The following AZIN1 variants were observed in gnomAD, a reference collection of about 807,000 sequenced individuals.
The protein encoded by AZIN1 is antizyme inhibitor 1.
Under a neutral mutation model 47.4 loss-of-function variants are expected in AZIN1, and 12 were observed. That is an observed-to-expected ratio of 0.25 (90% CI 0.16 to 0.41). The LOEUF (loss-of-function observed/expected upper bound fraction) is 0.41, where lower values mean the gene tolerates loss of function less well. AZIN1 is among the 10% of genes least tolerant of loss of function. The pLI, the probability that AZIN1 is intolerant of heterozygous loss-of-function variation, is 1.00. For missense variants in AZIN1, 410 were observed against 532.4 expected (o/e 0.77, Z 2.26); for synonymous variants, 155 against 176.3 (o/e 0.88, Z 0.96).
In AZIN1 at chr8:102,826,728, A is replaced by G. The variant is rs1811131874; in HGVS notation, c.*1839T>C. On this transcript the variant is annotated 3_prime_UTR_variant, in exon 12 of 12. Coordinates refer to ENST00000337198, the MANE Select transcript of AZIN1 (RefSeq NM_148174.4). The stretch of plus-strand genomic sequence containing the variant: ...GCCTGTATAGTCAAGCCAAGGACTC[A>G]AAGTTGCACCATCTTTAAAAAGGTT... The G allele has an allele frequency of 2.0e-5, 3 of 152,676 alleles. No homozygotes were observed. The highest frequency in any genetic ancestry group is 7.2e-5 in the African/African-American group (3 of 41,464). The allele number at this position is 152,676 out of a possible 1,614,324, so 9.5% of individuals were successfully genotyped here. A position where few individuals can be genotyped will look rare whatever the true frequency, so the allele number is the denominator to read the frequency against.
At chr8:102,838,663 GCTC>G (rs1280508775) in intron 5 of AZIN1, 78 bp downstream of exon 5, 9 of 1,155,176 alleles carry the variant, frequency 7.8e-6, no homozygotes, top group Non-Finnish European at 1.1e-5. Flanking sequence ...TACCACAAAT[GCTC>G]CTTTCTTCCC....
intron 5 of AZIN1, among the ~76,000 whole-genome samples, chr8:102,836,988 T>C (rs549841435): frequency 5.5e-4 from 84 of 152,240 alleles, no homozygotes; most frequent in Admixed American, 3.9e-4. Flanking sequence ...CACTGCAACC[T>C]CCGCCTCATG....
Position 102,829,949 on chromosome 8 carries a change from A to G in AZIN1, c.905-13T>C. The G allele has an allele frequency of 1.3e-6, 2 of 1,491,310 alleles. No homozygotes were observed. The highest frequency in any genetic ancestry group is 1.8e-6 in the Non-Finnish European group (2 of 1,083,980). 92.4% of individuals were successfully genotyped at this position (1,491,310 alleles called of 1,614,324 possible). On this transcript the variant is annotated splice_polypyrimidine_tract_variant and intron_variant, in intron 9 of 11. Transcript: ENST00000337198. ...CCGGTTTTTTCTACTGGAATAAAAC[A>G]GGAAAGGGGAAAATGAATTTTTAAT...
chr8:102,838,899 C>T lies in AZIN1; in HGVS notation c.294G>A (p.Val98=). 1.2e-6 allele frequency: 2 copies of T among 1,610,264 alleles called. No homozygotes were observed. The highest frequency in any genetic ancestry group is 1.7e-6 in the Non-Finnish European group (2 of 1,178,506). ...ACSSKNEMAL[V]QELGVPPENI... ...TTTCTGGAGGTACACCCAACTCTTG[C>T]ACTAAAGCCATTTCATTCTGTGAAA... The change falls in exon 5 of 12, where the codon GTG becomes GTA. Residue 98 remains valine (V), a synonymous_variant. Transcript: ENST00000337198.
At chr8:102,854,623 T>TAC (rs1813163048) in intron 2 of AZIN1, 1 of 138,626 alleles carries the variant, frequency 7.2e-6, no homozygotes, top group East Asian at 2.0e-4. Context: ...TATATATATA[T>TAC]ATATTTTTTT....
At chr8:102,830,794 A>G (rs1811404878) in intron 9 of AZIN1, among the ~76,000 whole-genome samples, 1 of 152,212 alleles carries the variant, frequency 6.6e-6, no homozygotes, top group South Asian at 2.1e-4. Context: ...ACTACAAAAC[A>G]TCAGAGAGCA....
Position 102,858,026 on chromosome 8 carries a change from G to A in AZIN1, c.-109C>T. On this transcript the variant is annotated 5_prime_UTR_variant, in exon 2 of 12. Coordinates refer to ENST00000337198, the MANE Select transcript of AZIN1 (RefSeq NM_148174.4). ...GCAAATACTTACATGGACAAGTTGG[G>A]AGATGGAACCCCCCTATCATCAGCT... 1 of 398,960 alleles carries A rather than the reference G, an allele frequency of 2.5e-6. No individual in the cohort carries two copies. The highest frequency in any genetic ancestry group is 4.4e-6 in the Non-Finnish European group (1 of 226,044). The allele number at this position is 398,960 out of a possible 1,614,324, so 24.7% of individuals were successfully genotyped here.
chr8:102,854,950 A>C (rs953551593), intron 2 of AZIN1, among the ~76,000 whole-genome samples: 2 of 152,210 alleles, frequency 1.3e-5, no homozygotes. Flanking sequence ...TTAAGTTTTA[A>C]AATATTTTCC....
intron 2 of AZIN1, among the ~76,000 whole-genome samples, chr8:102,853,218 T>C (rs1813032857): frequency 6.6e-6 from 1 of 152,194 alleles, no homozygotes; most frequent in African/African-American, 2.4e-5. Context: ...TAAAAACTGG[T>C]CTATGGTCGG....
chr8:102,838,841 A>T lies in AZIN1; in HGVS notation c.352T>A (p.Ser118Thr), dbSNP rs1330874932. 1 of 1,613,882 alleles carries T rather than the reference A, an allele frequency of 6.2e-7. No homozygotes were observed. The highest frequency in any genetic ancestry group is 1.7e-5 in the Admixed American group (1 of 59,998). ...ACTTTTGCTGCATACTTTATCTGAG[A>T]CACTTGCTTGCAAGGACTTATGTAA... ...IIYISPCKQV[S>T]QIKYAAKVGV... The change falls in exon 5 of 12, where the codon TCT becomes ACT. Residue 118 changes from serine (S) to threonine (T), a missense_variant. This residue lies in a region of AZIN1 where 237 missense variants were observed against 309.4 expected (regional missense o/e 0.77). Coordinates refer to ENST00000337198, the MANE Select transcript of AZIN1 (RefSeq NM_148174.4).
Position 102,843,686 on chromosome 8 carries a change from A to AG in AZIN1, c.-35_-34insC. On this transcript the variant is annotated 5_prime_UTR_variant, in exon 3 of 12. Transcript: ENST00000337198. Reference sequence around the variant, plus strand: ...TATTCCACAAAGCCGAAAGTCATAAACCAGGAAAGACAAGAGACGGGCCAC... The same window carrying AG: ...TATTCCACAAAGCCGAAAGTCATAAAGCCAGGAAAGACAAGAGACGGGCCAC... 1.9e-6 allele frequency: 3 copies of AG among 1,612,812 alleles called. No individual in the cohort carries two copies. The highest frequency in any genetic ancestry group is 2.5e-6 in the Non-Finnish European group (3 of 1,179,506).
intron 2 of AZIN1, among the ~76,000 whole-genome samples, chr8:102,849,265 C>A (rs1812779130): frequency 6.6e-6 from 1 of 152,100 alleles, no homozygotes; most frequent in South Asian, 2.1e-4. Context: ...AGCACTCCAG[C>A]CTGGTGACAG....
chr8:102,840,421 C>T (rs538092308), intron 3 of AZIN1, among the ~76,000 whole-genome samples: 1 of 152,284 alleles, frequency 6.6e-6, no homozygotes, highest in East Asian at 1.9e-4. Context: ...TAGCTTACTA[C>T]AGCCTCCAAC....
Position 102,836,669 on chromosome 8 carries a change from C to T in AZIN1, c.450-279G>A, listed in dbSNP as rs143465071. 472 of 326,164 alleles carry T rather than the reference C, an allele frequency of 1.4e-3. 4 individuals carry two copies. Among genetic ancestry groups the T allele is most frequent in the African/African-American group, 8.9e-3 (418 of 46,836 alleles). 20.2% of individuals were successfully genotyped at this position (326,164 alleles called of 1,614,324 possible). ...GTTGGTTGGGCTCTGTAATGAAAGA[C>T]GACATTACTTTCAAATGAAGTCCAT... On this transcript the variant is annotated intron_variant, in intron 5 of 11. Transcript: ENST00000337198.
At chr8:102,831,097 G>A (rs1309109821) in intron 9 of AZIN1, among the ~76,000 whole-genome samples, 7 of 152,092 alleles carry the variant, frequency 4.6e-5, no homozygotes, top group Non-Finnish European at 7.4e-5. Flanking sequence ...AACTGATTAC[G>A]GGACTGAGGC....
At chr8:102,835,643 T>C (rs777127144) in intron 6 of AZIN1, among the ~76,000 whole-genome samples, 6 of 152,136 alleles carry the variant, frequency 3.9e-5, no homozygotes, top group Non-Finnish European at 8.8e-5. Context: ...TGAGATACTA[T>C]CTCAAAAAAT....
intron 2 of AZIN1, among the ~76,000 whole-genome samples, chr8:102,857,256 CAGATT>C (rs1216656118): frequency 3.9e-5 from 6 of 152,214 alleles, no homozygotes; most frequent in African/African-American, 1.4e-4. Context: ...TTAACAAGAT[CAGATT>C]AAAGAAACAC....
chr8:102,847,400 T>C (rs1812637290), intron 2 of AZIN1, among the ~76,000 whole-genome samples: 1 of 151,844 alleles, frequency 6.6e-6, no homozygotes, highest in Non-Finnish European at 1.5e-5. Flanking sequence ...TTTATTTTCT[T>C]TGATGCTCTC....
At chr8:102,836,482 G>A (rs1811830876) in intron 5 of AZIN1, 92 bp from the exon 6 acceptor site, 1 of 1,372,560 alleles carries the variant, frequency 7.3e-7, no homozygotes, top group Non-Finnish European at 1.0e-6. Context: ...TGTTGATTAT[G>A]TTGCCAGTGC....
Sources: allele counts gnomAD v4.1 joint callset (sites outside exome capture counted in the v4.1 genomes callset), GRCh38; gene constraint gnomAD v4.1.1; regional missense constraint gnomAD v4.1.1; transcripts MANE v1.5; gene names NCBI Gene and HGNC (gene_info 2026-07-23, HGNC 2026-07-21).